The following IL27RA variants were observed in gnomAD, a reference collection of about 807,000 sequenced individuals.
The protein encoded by IL27RA is interleukin 27 receptor subunit alpha, also known as interleukin-27 receptor subunit alpha.
IL27RA carries 61 observed loss-of-function variants against 80.8 expected under a neutral mutation model. The ratio of observed to expected loss-of-function variants is 0.76; its 90% CI spans 0.61 to 0.93. The LOEUF is 0.93. Ranked by LOEUF, IL27RA falls within the 40% of genes least tolerant of loss-of-function variation. The pLI, the probability that IL27RA is intolerant of heterozygous loss-of-function variation, is 0.00. For missense variants in IL27RA, 735 were observed against 808.1 expected (o/e 0.91, Z 1.10); for synonymous variants, 316 against 332.5 (o/e 0.95, Z 0.54).
chr19:14,035,794 A>G (rs562914687), intron 2 of IL27RA, among the ~76,000 whole-genome samples: 68 of 151,850 alleles, frequency 4.5e-4, no homozygotes, highest in Non-Finnish European at 2.2e-4. Flanking sequence ...GATTTTATTT[A>G]TTTTGAGAAG....
intron 2 of IL27RA, among the ~76,000 whole-genome samples, chr19:14,038,825 G>A (rs554328010): frequency 4.0e-5 from 6 of 150,800 alleles, no homozygotes; most frequent in East Asian, 3.9e-4. Flanking sequence ...CAGAGGTTGC[G>A]GTGAGCCAAG....
intron 2 of IL27RA, among the ~76,000 whole-genome samples, chr19:14,033,557 C>T (rs1057055122): frequency 6.6e-6 from 1 of 151,376 alleles, no homozygotes; most frequent in Non-Finnish European, 1.5e-5. Context: ...TCCAGCTACT[C>T]GGGAGGCTGA....
At chr19:14,033,291 G>A (rs1465198914) in intron 2 of IL27RA, among the ~76,000 whole-genome samples, 1 of 150,624 alleles carries the variant, frequency 6.6e-6, no homozygotes, top group Admixed American at 6.6e-5. Context: ...GAGGGGGGAG[G>A]TTTCACCATG....
intron 2 of IL27RA, among the ~76,000 whole-genome samples, chr19:14,039,134 A>T (rs927303785): frequency 3.3e-5 from 5 of 151,798 alleles, no homozygotes; most frequent in African/African-American, 1.2e-4. Flanking sequence ...AAAACACAAA[A>T]AAATTGGCCA....
chr19:14,038,320 A>G (rs1015585598), intron 2 of IL27RA, among the ~76,000 whole-genome samples: 20 of 151,982 alleles, frequency 1.3e-4, no homozygotes, highest in Non-Finnish European at 2.8e-4. Context: ...TTTTTAAAAC[A>G]TTTTTTGTAG....
chr19:14,049,727 GCA>G (rs1201592182), intron 10 of IL27RA, among the ~76,000 whole-genome samples: 4 of 151,622 alleles, frequency 2.6e-5, no homozygotes, highest in East Asian at 2.0e-4. Flanking sequence ...GATTACAGGC[GCA>G]TGCCACCATG....
chr19:14,051,111 G>A (rs1292845392), intron 11 of IL27RA, among the ~76,000 whole-genome samples: 1 of 152,038 alleles, frequency 6.6e-6, no homozygotes, highest in Non-Finnish European at 1.5e-5. Context: ...TTAGCTGGAT[G>A]TGGTAGCATG....
chr19:14,041,924 GGCT>G, intron 4 of IL27RA, among the ~76,000 whole-genome samples: 1 of 152,006 alleles, frequency 6.6e-6, no homozygotes, highest in Non-Finnish European at 1.5e-5. Context: ...AAATTGGCTG[GGCT>G]TGGTGGCTCA....
intron 4 of IL27RA, among the ~76,000 whole-genome samples, chr19:14,041,581 C>T (rs1165588714): frequency 6.6e-6 from 1 of 152,102 alleles, no homozygotes; most frequent in East Asian, 1.9e-4. Context: ...AGTCACTTTC[C>T]CTCTCTGGGC....
At chr19:14,040,902 ATTT>A (rs34698681) in intron 4 of IL27RA, among the ~76,000 whole-genome samples, 3 of 139,322 alleles carry the variant, frequency 2.2e-5, no homozygotes, top group African/African-American at 2.7e-5. Flanking sequence ...GAGATGCAGA[ATTT>A]TTTTTTTTTT....
chr19:14,037,687 T>G (rs544346721), intron 2 of IL27RA, among the ~76,000 whole-genome samples: 1 of 152,220 alleles, frequency 6.6e-6, no homozygotes, highest in African/African-American at 2.4e-5. Context: ...AGGCCTTTAT[T>G]CAAATGTCTC....
At chr19:14,051,339 G>A (rs1976159253) in intron 11 of IL27RA, among the ~76,000 whole-genome samples, 1 of 152,110 alleles carries the variant, frequency 6.6e-6, no homozygotes, top group Admixed American at 6.6e-5. Flanking sequence ...GAGGTCAGGA[G>A]TTCGAGACCA....
In IL27RA at chr19:14,046,544, C is replaced by A; in HGVS notation, c.1067C>A (p.Ala356Asp). The A allele has an allele frequency of 6.2e-7, 1 of 1,614,046 alleles. No homozygotes were observed. Among genetic ancestry groups the A allele is most frequent in the Non-Finnish European group, 8.5e-7 (1 of 1,179,990 alleles). ...CCACTGGAGCATGTAGTGGACTGGG[C>A]TCGAGATGGGGACCCCCTGGAGAAA... is the stretch of plus-strand genomic sequence containing the variant. ...GEPLEHVVDW[A>D]RDGDPLEKLN... is the part of the protein sequence containing the mutation. Residue 356 changes from alanine to aspartate, a missense_variant, in exon 8 of 14, where the codon GCT becomes GAT. By Grantham distance (126) the Ala-to-Asp change is moderately radical. Transcript: ENST00000263379.
In IL27RA at chr19:14,052,245, G is replaced by C; in HGVS notation, c.1866G>C (p.Glu622Asp). 6.4e-7 allele frequency: 1 copy of C among 1,561,916 alleles called. No homozygotes were observed. The highest frequency in any genetic ancestry group is 8.6e-7 in the Non-Finnish European group (1 of 1,156,618). Residue 622 changes from glutamate to aspartate, a missense_variant, in exon 14 of 14, where the codon GAG (glutamate) becomes GAC (aspartate). Glu to Asp is a conservative substitution (Grantham distance 45, BLOSUM62 2). Transcript: ENST00000263379. ...GYEKHFLPTPEELGLLGPPRP... is the reference protein window; with the variant it reads ...GYEKHFLPTPDELGLLGPPRP... ...AGAAGCACTTCCTGCCCACACCTGA[G>C]GAGCTGGGCCTTCTGGGGCCCCCCA... is the stretch of plus-strand genomic sequence containing the variant.
In IL27RA at chr19:14,046,280, T is replaced by G; in HGVS notation, c.895T>G (p.Ser299Ala). ...CAGTGGGGCGGAGTGGGCCAGGGTG[T>G]CCGCTGTCAACGCCACAAGCTGGGA... ...IPSGAEWARV[S>A]AVNATSWEPL... Residue 299 changes from serine to alanine, a missense_variant, in exon 7 of 14, where the codon TCC becomes GCC. Ser to Ala is a moderately conservative substitution (Grantham distance 99). Coordinates refer to ENST00000263379, the MANE Select transcript of IL27RA (RefSeq NM_004843.4). 1 of 1,614,096 alleles carries G rather than the reference T, an allele frequency of 6.2e-7. No homozygotes were observed. The highest frequency in any genetic ancestry group is 8.5e-7 in the Non-Finnish European group (1 of 1,180,016).
At chr19:14,033,572 G>A (rs1231199948) in intron 2 of IL27RA, among the ~76,000 whole-genome samples, 1 of 151,614 alleles carries the variant, frequency 6.6e-6, no homozygotes, top group Non-Finnish European at 1.5e-5. Flanking sequence ...GGCTGAGGTG[G>A]GAGGATCACT....
In IL27RA at chr19:14,046,174, G is replaced by C. The variant is rs1328814490; in HGVS notation, c.789G>C (p.Gln263His). 3 of 1,614,074 alleles carry C rather than the reference G, an allele frequency of 1.9e-6. No individual in the cohort carries two copies. The highest frequency in any genetic ancestry group is 2.5e-6 in the Non-Finnish European group (3 of 1,180,016). The change falls in exon 7 of 14, where the codon CAG (glutamine) becomes CAC (histidine). Residue 263 changes from glutamine to histidine, a missense_variant. Gln to His is a conservative substitution (Grantham distance 24). Transcript: ENST00000263379. ...CTCAGGCCCCAGGGCCCTGTGTGCA[G>C]GTGAGCTACAAAGTCTGGTTCTGGG... ...LLWKAPGPCV[Q>H]VSYKVWFWVG...
At chr19:14,046,671 G>A (rs1315595890) in intron 8 of IL27RA, 53 bp downstream of exon 8, 1 of 1,483,122 alleles carries the variant, frequency 6.7e-7, no homozygotes, top group African/African-American at 1.4e-5. Flanking sequence ...GCAGACGGAT[G>A]GGTGGACTTG....
chr19:14,046,276 G>C lies in IL27RA; in HGVS notation c.891G>C (p.Arg297Ser). Residue 297 changes from arginine (R) to serine (S), a missense_variant, in exon 7 of 14, where the codon AGG (arginine) becomes AGC (serine). By Grantham distance (110) the Arg-to-Ser change is moderately radical. Coordinates refer to ENST00000263379, the MANE Select transcript of IL27RA (RefSeq NM_004843.4). ...TTCCCAGTGGGGCGGAGTGGGCCAG[G>C]GTGTCCGCTGTCAACGCCACAAGCT... ...SLIPSGAEWA[R>S]VSAVNATSWE... 4.3e-6 allele frequency: 7 copies of C among 1,614,126 alleles called. No individual in the cohort carries two copies. Among genetic ancestry groups the C allele is most frequent in the Non-Finnish European group, 5.9e-6 (7 of 1,180,030 alleles).
Sources: allele counts gnomAD v4.1 joint callset (sites outside exome capture counted in the v4.1 genomes callset), GRCh38; gene constraint gnomAD v4.1.1; transcripts MANE v1.5; gene names NCBI Gene and HGNC (gene_info 2026-07-23, HGNC 2026-07-21).